CDIN1: variants seen among roughly 807,000 people sequenced by gnomAD.
CDIN1 encodes the protein CDAN1-interacting nuclease 1.
In CDIN1, 33 loss-of-function variants were observed where a neutral mutation model predicts 45.3. The observed-to-expected ratio is 0.73, with a 90% CI of 0.55 to 0.97. CDIN1 has a LOEUF of 0.97. Among genes scored for constraint, CDIN1 ranks in the 50% least tolerant of loss-of-function variants. The pLI is 0.00. For missense variants in CDIN1, 303 were observed against 339.4 expected, an observed-to-expected ratio of 0.89 and a Z score of 0.84; for synonymous variants, 118 against 124.4, an observed-to-expected ratio of 0.95 and a Z score of 0.34.
chr15:36,588,561 C>T (rs556103318), intron 1 of CDIN1, among the ~76,000 whole-genome samples: 11 of 152,276 alleles, frequency 7.2e-5, no homozygotes, highest in East Asian at 3.9e-4. Context: ...AATATTCATA[C>T]ACCCAGGAAG....
chr15:36,703,938 C>T (rs953413738), intron 8 of CDIN1, among the ~76,000 whole-genome samples: 2 of 152,130 alleles, frequency 1.3e-5, no homozygotes, highest in South Asian at 4.1e-4. Context: ...CTGTCCAATC[C>T]ACTTGTTTTG....
chr15:36,627,150 T>C (rs2140334298), intron 1 of CDIN1: 1 of 198,772 alleles, frequency 5.0e-6, no homozygotes, highest in South Asian at 1.2e-4. Flanking sequence ...ATGCACTGGG[T>C]GTACATCACC....
chr15:36,703,775 T>C (rs1042369713), intron 8 of CDIN1, among the ~76,000 whole-genome samples: 1 of 152,242 alleles, frequency 6.6e-6, no homozygotes, highest in Non-Finnish European at 1.5e-5. Context: ...ACTGCTAGTA[T>C]GCCTCTCTCC....
intron 10 of CDIN1, among the ~76,000 whole-genome samples, chr15:36,721,580 A>T (rs185605983): frequency 6.6e-6 from 1 of 152,256 alleles, no homozygotes; most frequent in African/African-American, 2.4e-5. Flanking sequence ...TATGGCTCAG[A>T]CTGTGGTTAT....
At chr15:36,804,476 A>G (rs995323077) in intron 10 of CDIN1, 2 of 151,918 alleles carry the variant, frequency 1.3e-5, no homozygotes, top group Non-Finnish European at 2.9e-5. Context: ...TGTACCAGGC[A>G]CTGTGTTAGG....
At chr15:36,738,808 A>G (rs909332596) in intron 10 of CDIN1, among the ~76,000 whole-genome samples, 12 of 152,100 alleles carry the variant, frequency 7.9e-5, no homozygotes, top group Non-Finnish European at 1.3e-4. Context: ...TGTTTGCCCC[A>G]CTAGGATAAA....
intron 10 of CDIN1, among the ~76,000 whole-genome samples, chr15:36,762,970 T>C (rs1042401651): frequency 1.2e-4 from 19 of 152,166 alleles, no homozygotes; most frequent in Non-Finnish European, 2.2e-4. Context: ...CATGTGTCTT[T>C]ATAGCAGCAT....
chr15:36,773,148 G>A (rs994012285), intron 10 of CDIN1, among the ~76,000 whole-genome samples: 3 of 152,088 alleles, frequency 2.0e-5, no homozygotes, highest in African/African-American at 7.2e-5. Flanking sequence ...ATAGCTATAT[G>A]GGTCTAGTGA....
rs184342665 is a variant in CDIN1 at position 36,695,805 on chromosome 15, C to A, written c.477-1518C>A. On this transcript the variant is annotated intron_variant, in intron 7 of 10. Coordinates refer to ENST00000566621, the MANE Select transcript of CDIN1 (RefSeq NM_001321759.2). ...GAGGTTGCAGTGAGCTGAGATTGTG[C>A]CACTGCACTCCAGCCTGGGCAAGAC... 9.5e-4 allele frequency among the ~76,000 whole-genome samples: 140 copies of A among 147,878 alleles called. 1 individual carries two copies. The highest frequency in any genetic ancestry group is 3.5e-3 in the African/African-American group (131 of 37,584).
chr15:36,770,340 A>G (rs1950746601), intron 10 of CDIN1, among the ~76,000 whole-genome samples: 1 of 151,992 alleles, frequency 6.6e-6, no homozygotes, highest in Non-Finnish European at 1.5e-5. Context: ...GAAAGGGAGA[A>G]TACAAAGGAA....
At chr15:36,673,945 A>G (rs1332044121) in intron 5 of CDIN1, among the ~76,000 whole-genome samples, 1 of 152,018 alleles carries the variant, frequency 6.6e-6, no homozygotes, top group Non-Finnish European at 1.5e-5. Flanking sequence ...TTTTCCTGAA[A>G]GTAACGGAAT....
intron 10 of CDIN1, among the ~76,000 whole-genome samples, chr15:36,746,561 G>C (rs961988338): frequency 3.9e-5 from 6 of 151,984 alleles, no homozygotes; most frequent in African/African-American, 1.2e-4. Flanking sequence ...GTTCTGGTGT[G>C]CTATGTTCTC....
chr15:36,761,584 G>C (rs1342217544), intron 10 of CDIN1, among the ~76,000 whole-genome samples: 3 of 152,134 alleles, frequency 2.0e-5, no homozygotes, highest in African/African-American at 7.2e-5. Flanking sequence ...AGTCAGGGAG[G>C]GAAGTTTCCC....
chr15:36,761,563 C>T (rs995380136), intron 10 of CDIN1, among the ~76,000 whole-genome samples: 2 of 152,136 alleles, frequency 1.3e-5, no homozygotes, highest in Admixed American at 6.6e-5. Context: ...TTCAAGGAGG[C>T]GCTGTCATGG....
rs752860332 is a variant in CDIN1, at chr15:36,691,700, T to C, written c.362T>C (p.Ile121Thr). The change falls in exon 6 of 11, where the codon ATA becomes ACA. Residue 121 changes from isoleucine (I) to threonine (T), a missense_variant. Transcript: ENST00000566621. ...HEETPPSKSI[I>T]NSMLRDPSQI... ...TCTTCTACAGCCTCCAAGTCTATTA[T>C]AAATAGTATGCTACGGGACCCTTCT... is the stretch of plus-strand genomic sequence containing the variant. 7 of 1,599,644 alleles carry C rather than the reference T, an allele frequency of 4.4e-6. No homozygotes were observed. Among genetic ancestry groups the C allele is most frequent in the Non-Finnish European group, 4.3e-6 (5 of 1,171,514 alleles).
chr15:36,691,797 A>G (rs1392328410), intron 6 of CDIN1, 33 bp downstream of exon 6: 12 of 1,453,506 alleles, frequency 8.3e-6, no homozygotes, highest in African/African-American at 1.4e-5. Context: ...TTCAGTGGCA[A>G]TGCTGTTATC....
At chr15:36,657,489 G>A (rs1286388065) in intron 4 of CDIN1, among the ~76,000 whole-genome samples, 1 of 151,998 alleles carries the variant, frequency 6.6e-6, no homozygotes, top group African/African-American at 2.4e-5. Context: ...AAAGAAGCAT[G>A]GCTTGAATAA....
intron 10 of CDIN1, among the ~76,000 whole-genome samples, chr15:36,780,937 T>C (rs376115666): frequency 7.2e-5 from 11 of 152,178 alleles, no homozygotes; most frequent in East Asian, 5.8e-4. Flanking sequence ...CCTATGAACT[T>C]TCTCCCTGCA....
intron 1 of CDIN1, among the ~76,000 whole-genome samples, chr15:36,580,544 A>G (rs991633450): frequency 6.6e-6 from 1 of 152,202 alleles, no homozygotes; most frequent in African/African-American, 2.4e-5. Flanking sequence ...GTTTCTCCAT[A>G]TATGTTATGC....
Sources: gnomAD v4.1 joint callset for allele counts (sites outside exome capture counted in the v4.1 genomes callset) on GRCh38, gnomAD v4.1.1 for gene constraint, MANE v1.5 for transcripts, NCBI Gene and HGNC (gene_info 2026-07-23, HGNC 2026-07-21) for gene names.